PPP1R12A: variants seen among roughly 807,000 people sequenced by gnomAD.
PPP1R12A encodes the protein myosin binding subunit.
In PPP1R12A, 19 loss-of-function variants were observed where a neutral mutation model predicts 139.6. That is an observed-to-expected ratio of 0.14 (90% CI 0.09 to 0.20). The LOEUF is 0.20. Ranked by LOEUF, PPP1R12A falls within the 10% of genes least tolerant of loss-of-function variation. PPP1R12A has a pLI of 1.00. For missense variants in PPP1R12A, 925 were observed against 1,211.5 expected (o/e 0.76, Z 3.51); for synonymous variants, 427 against 420.6 (o/e 1.02, Z -0.19).
At chr12:79,816,422 T>C (rs1017875744) in intron 9 of PPP1R12A, among the ~76,000 whole-genome samples, 5 of 151,434 alleles carry the variant, frequency 3.3e-5, no homozygotes, top group African/African-American at 1.2e-4. Context: ...AAAAAAAAGG[T>C]ATGTGTGGAC....
intron 9 of PPP1R12A, among the ~76,000 whole-genome samples, chr12:79,815,525 A>T (rs1279965974): frequency 2.2e-5 from 3 of 136,816 alleles, no homozygotes; most frequent in Non-Finnish European, 4.7e-5. Flanking sequence ...CCTCAAAAAG[A>T]AAAAAAAAAA....
At chr12:79,862,141 T>C (rs151141656) in intron 2 of PPP1R12A, among the ~76,000 whole-genome samples, 2,882 of 152,284 alleles carry the variant, frequency 0.019, 93 homozygotes, top group African/African-American at 0.066. Flanking sequence ...CAATATTTGC[T>C]GTTCTGCAGC....
At chr12:79,817,619 T>C (rs1163880449) in intron 8 of PPP1R12A, 101 bp from the exon 9 acceptor site, 6 of 1,178,280 alleles carry the variant, frequency 5.1e-6, no homozygotes, top group Non-Finnish European at 7.0e-6. Flanking sequence ...AAGGTTTTGT[T>C]AACTAAAAGT....
intron 1 of PPP1R12A, among the ~76,000 whole-genome samples, chr12:79,932,403 G>C (rs946851508): frequency 6.6e-6 from 1 of 152,106 alleles, no homozygotes; most frequent in Non-Finnish European, 1.5e-5. Flanking sequence ...TGATAAATAA[G>C]AAATGAGAGT....
At chr12:79,855,382 AAAAC>A (rs1232236658) in intron 2 of PPP1R12A, among the ~76,000 whole-genome samples, 6 of 152,322 alleles carry the variant, frequency 3.9e-5, no homozygotes, top group East Asian at 1.9e-4. Context: ...AGGTCTGAGA[AAAAC>A]AAACAAAGAA....
chr12:79,821,034 A>C (rs1305690229), intron 7 of PPP1R12A, 44 bp downstream of exon 7: 1 of 1,592,080 alleles, frequency 6.3e-7, no homozygotes, highest in Admixed American at 1.7e-5. Flanking sequence ...CACTATGCCA[A>C]CTCATTAACA....
At chr12:79,783,089 G>A (rs1419872056) in intron 22 of PPP1R12A, among the ~76,000 whole-genome samples, 3 of 151,904 alleles carry the variant, frequency 2.0e-5, no homozygotes, top group African/African-American at 7.3e-5. Context: ...ATGGCTTCAA[G>A]CTTTTGTGCT....
chr12:79,793,652 CAG>C, intron 19 of PPP1R12A: 3 of 463,932 alleles, frequency 6.5e-6, no homozygotes, highest in Middle Eastern at 5.9e-4. Context: ...GATCAAGACT[CAG>C]AACATTTTCA....
intron 1 of PPP1R12A, among the ~76,000 whole-genome samples, chr12:79,922,970 C>T (rs972041490): frequency 6.6e-6 from 1 of 151,982 alleles, no homozygotes; most frequent in Admixed American, 6.6e-5. Flanking sequence ...ATGTGATGAG[C>T]GAGTAAAAAT....
intron 2 of PPP1R12A, among the ~76,000 whole-genome samples, chr12:79,861,812 TGGCAGGGAAGCTAGAACTG>T (rs1881359341): frequency 6.6e-6 from 1 of 152,060 alleles, no homozygotes; most frequent in South Asian, 2.1e-4. Flanking sequence ...GTAAACAAAG[TGGCAGGGAAGCTAGAACTG>T]GGCAGAGCTC....
intron 3 of PPP1R12A, among the ~76,000 whole-genome samples, chr12:79,838,532 TG>T (rs1258514421): frequency 6.6e-6 from 1 of 152,192 alleles, no homozygotes; most frequent in African/African-American, 2.4e-5. Flanking sequence ...CCTGGAGGCC[TG>T]GGAGGGAAAA....
At chr12:79,889,444 T>A (rs1196759528) in intron 1 of PPP1R12A, among the ~76,000 whole-genome samples, 1 of 152,184 alleles carries the variant, frequency 6.6e-6, no homozygotes, top group Non-Finnish European at 1.5e-5. Flanking sequence ...GGGTTCCTCA[T>A]GCCAAGTGAG....
intron 1 of PPP1R12A, among the ~76,000 whole-genome samples, chr12:79,894,990 G>C (rs952017194): frequency 6.6e-6 from 1 of 152,034 alleles, no homozygotes; most frequent in African/African-American, 2.4e-5. Flanking sequence ...CCTAAAATAA[G>C]AGTACAAAAA....
chr12:79,902,572 CA>C (rs1296108281), intron 1 of PPP1R12A, among the ~76,000 whole-genome samples: 4 of 151,340 alleles, frequency 2.6e-5, no homozygotes, highest in Non-Finnish European at 4.4e-5. Flanking sequence ...TTTCAAACTT[CA>C]AAAAAAAATT....
intron 1 of PPP1R12A, among the ~76,000 whole-genome samples, chr12:79,873,508 A>AC (rs1427284558): frequency 4.0e-5 from 6 of 151,446 alleles, no homozygotes; most frequent in South Asian, 2.1e-4. Flanking sequence ...AAAAAAAAAA[A>AC]AAAAAAACAT....
At chr12:79,843,390 A>C (rs1195972170) in intron 3 of PPP1R12A, among the ~76,000 whole-genome samples, 1 of 151,966 alleles carries the variant, frequency 6.6e-6, no homozygotes, top group African/African-American at 2.4e-5. Context: ...AGCCTGGCCA[A>C]CACGGTAAAA....
chr12:79,797,177 C>G lies in PPP1R12A; in HGVS notation c.2292+18G>C. 2 of 1,553,816 alleles carry G rather than the reference C, an allele frequency of 1.3e-6. No homozygotes were observed. The highest frequency in any genetic ancestry group is 2.4e-5 in the South Asian group (2 of 82,536). Reference sequence around the variant, plus strand: ...ATTCATACCATTTGACTTAAATGTGCTTTTGATATACTGTTACCTCATCAT... The same window carrying G: ...ATTCATACCATTTGACTTAAATGTGGTTTTGATATACTGTTACCTCATCAT... On this transcript the variant is annotated intron_variant, in intron 16 of 24. Transcript: ENST00000450142.
At chr12:79,856,321 C>T (rs1880650325) in intron 2 of PPP1R12A, among the ~76,000 whole-genome samples, 1 of 152,204 alleles carries the variant, frequency 6.6e-6, no homozygotes, top group Non-Finnish European at 1.5e-5. Flanking sequence ...TCCAATAAGG[C>T]CCTTCTGTTT....
chr12:79,797,149 A>C, intron 16 of PPP1R12A, 46 bp downstream of exon 16: 1 of 1,456,680 alleles, frequency 6.9e-7, no homozygotes, highest in Non-Finnish European at 9.3e-7. Flanking sequence ...GATCATAAGG[A>C]CTATTCATAC....
Sources: gnomAD v4.1 joint callset for allele counts (sites outside exome capture counted in the v4.1 genomes callset) on GRCh38, gnomAD v4.1.1 for gene constraint, MANE v1.5 for transcripts, NCBI Gene and HGNC (gene_info 2026-07-23, HGNC 2026-07-21) for gene names.